Variants in PON3 observed in about 807,000 individuals in gnomAD.
The protein encoded by PON3 is serum paraoxonase/lactonase 3.
A neutral mutation model predicts 36.3 loss-of-function variants in PON3; 37 were observed. The observed-to-expected ratio is 1.02, with a 90% confidence interval of 0.78 to 1.34. The LOEUF is 1.34. PON3 is among the 40% of genes most tolerant of loss of function. PON3 has a pLI of 0.00. For synonymous variants in PON3, 155 were observed against 154.8 expected, an observed-to-expected ratio of 1.00 and a Z score of -0.01; for missense variants, 415 against 426.5, an observed-to-expected ratio of 0.97 and a Z score of 0.24.
At chr7:95,391,335 C>G (rs977630711) in intron 2 of PON3, among the ~76,000 whole-genome samples, 2 of 152,164 alleles carry the variant, frequency 1.3e-5, no homozygotes, top group African/African-American at 4.8e-5. Context: ...AGGCCACCTA[C>G]TCGATAATCC....
chr7:95,360,638 A>T (rs982390373), intron 8 of PON3, among the ~76,000 whole-genome samples: 5 of 152,200 alleles, frequency 3.3e-5, no homozygotes, highest in Admixed American at 3.3e-4. Context: ...TTCATTTGAC[A>T]CATCACTGCC....
intron 4 of PON3, among the ~76,000 whole-genome samples, chr7:95,370,891 C>T (rs551998884): frequency 2.0e-4 from 31 of 152,296 alleles, no homozygotes; most frequent in African/African-American, 7.2e-4. Flanking sequence ...GCAACCATAA[C>T]CACTATTTAG....
At chr7:95,376,146 T>C (rs752171033) in intron 3 of PON3, among the ~76,000 whole-genome samples, 7 of 152,174 alleles carry the variant, frequency 4.6e-5, no homozygotes, top group Non-Finnish European at 1.0e-4. Flanking sequence ...AGAGGGAACA[T>C]TGAAGAGGCA....
intron 3 of PON3, among the ~76,000 whole-genome samples, chr7:95,374,205 T>C (rs547717265): frequency 6.6e-6 from 1 of 152,184 alleles, no homozygotes; most frequent in Non-Finnish European, 1.5e-5. Flanking sequence ...TTATTATGAG[T>C]GGATGACTTT....
At chr7:95,379,607 T>G (rs905807901) in intron 3 of PON3, among the ~76,000 whole-genome samples, 47 of 152,292 alleles carry the variant, frequency 3.1e-4, no homozygotes, top group African/African-American at 1.1e-3. Flanking sequence ...TGCTCATTGC[T>G]AGCACAGCAG....
At chr7:95,366,946 T>C (rs1269502195) in intron 5 of PON3, among the ~76,000 whole-genome samples, 2 of 152,228 alleles carry the variant, frequency 1.3e-5, no homozygotes, top group African/African-American at 4.8e-5. Context: ...AAAGCTGTAA[T>C]TAAACAAAGA....
chr7:95,372,211 A>T lies in PON3; in HGVS notation c.329T>A (p.Leu110Ter). ...AATACTGATCCCATGTGGATTAAAT[A>T]ATTCTTTGTCAAATCCACCACTGAT... ...LEISGGFDKE[L>*]FNPHGISIFI... is the part of the protein sequence containing the mutation. The change falls in exon 4 of 9, where the codon TTA becomes TAA. Residue 110 changes from leucine to a stop codon, truncating the protein, a stop_gained. Transcript: ENST00000265627. LOFTEE classifies it high-confidence loss of function. 1 of 1,613,810 alleles carries T rather than the reference A, an allele frequency of 6.2e-7. No homozygotes were observed. The highest frequency in any genetic ancestry group is 1.1e-5 in the South Asian group (1 of 91,068).
Position 95,390,195 on chromosome 7 carries a change from C to A in PON3, c.160G>T (p.Asp54Tyr). ...AGCCCACTAGGAAGTATATCAATATCTTCAGAGCCACTTTCTGCAAAAGAA... is the reference window on the plus strand; with the variant it reads ...AGCCCACTAGGAAGTATATCAATATATTCAGAGCCACTTTCTGCAAAAGAA... Reference protein sequence around the residue: ...LIEELESGSEDIDILPSGLAF... With the variant: ...LIEELESGSEYIDILPSGLAF... The change falls in exon 3 of 9, where the codon GAT (aspartate) becomes TAT (tyrosine). Residue 54 changes from aspartate to tyrosine, a missense_variant. Asp to Tyr is a radical substitution (Grantham distance 160). Transcript: ENST00000265627. 1 of 1,611,584 alleles carries A rather than the reference C, an allele frequency of 6.2e-7. No homozygotes were observed. The highest frequency in any genetic ancestry group is 2.2e-5 in the East Asian group (1 of 44,860).
In PON3 at chr7:95,362,788, T is replaced by A. The variant is rs760807482; in HGVS notation, c.749A>T (p.His250Leu). ...CAGTTGAGTTAAATCCCAGTTATCATGTTTTTCCATTATGTGAATGTTCTT... is the reference window on the plus strand; with the variant it reads ...CAGTTGAGTTAAATCCCAGTTATCAAGTTTTTCCATTATGTGAATGTTCTT... ...AAKNIHIMEK[H>L]DNWDLTQLKV... The change falls in exon 7 of 9, where the codon CAT becomes CTT. Residue 250 changes from histidine (H) to leucine (L), a missense_variant. By Grantham distance (99) the His-to-Leu change is moderately conservative (BLOSUM62 -3). Coordinates refer to ENST00000265627, the MANE Select transcript of PON3 (RefSeq NM_000940.3). 29 of 1,611,576 alleles carry A rather than the reference T, an allele frequency of 1.8e-5. No homozygotes were observed. In the East Asian group the frequency reaches 6.0e-4, roughly 33 times the overall value.
At chr7:95,380,401 T>C (rs1039772472) in intron 3 of PON3, among the ~76,000 whole-genome samples, 1 of 152,112 alleles carries the variant, frequency 6.6e-6, no homozygotes, top group Non-Finnish European at 1.5e-5. Context: ...ACCAAACTTC[T>C]CTGAGCTAAA....
intron 6 of PON3, 170 bp downstream of exon 6, chr7:95,363,693 A>G (rs1808626961): frequency 7.0e-6 from 5 of 710,724 alleles, no homozygotes; most frequent in Non-Finnish European, 9.7e-6. Flanking sequence ...GTCCAAGGAA[A>G]CAAATGGATT....
Position 95,362,748 on chromosome 7 carries a change from G to C in PON3, c.777+12C>G. 1 of 1,589,662 alleles carries C rather than the reference G, an allele frequency of 6.3e-7. No homozygotes were observed. Among genetic ancestry groups the C allele is most frequent in the Non-Finnish European group, 8.6e-7 (1 of 1,157,980 alleles). ...GAAGTCAGATTGTGTGGGCCAGACA[G>C]GGTACTCTTACCTTCAGTTGAGTTA... On this transcript the variant is annotated intron_variant, in intron 7 of 8. Coordinates refer to ENST00000265627, the MANE Select transcript of PON3 (RefSeq NM_000940.3).
intron 5 of PON3, chr7:95,364,349 A>G: frequency 2.2e-6 from 1 of 447,522 alleles, no homozygotes; most frequent in Non-Finnish European, 4.1e-6. Context: ...TGACTTGTAA[A>G]TGTTGATCAT....
intron 5 of PON3, 198 bp from the exon 6 acceptor site, chr7:95,364,261 A>G (rs1471205682): frequency 1.7e-6 from 1 of 591,934 alleles, no homozygotes; most frequent in Non-Finnish European, 3.0e-6. Flanking sequence ...GCCATTTGTT[A>G]TTTTCTTACT....
At chr7:95,364,994 T>C (rs1415082180) in intron 5 of PON3, 2 of 152,186 alleles carry the variant, frequency 1.3e-5, no homozygotes, top group African/African-American at 4.8e-5. Context: ...GGAAATACTT[T>C]GAAGTTTTGA....
intron 4 of PON3, among the ~76,000 whole-genome samples, chr7:95,368,825 A>AC (rs1562770837): frequency 6.6e-6 from 1 of 150,760 alleles, no homozygotes; most frequent in Admixed American, 6.6e-5. Flanking sequence ...AAAAAAAAAA[A>AC]AAAGAAAGAA....
At position 95,367,394 on chromosome 7, in the gene PON3, G is replaced by A. The variant is rs750392102; in HGVS notation, c.462C>T (p.Tyr154=). 2 of 1,613,156 alleles carry A rather than the reference G, an allele frequency of 1.2e-6. No individual in the cohort carries two copies. Among genetic ancestry groups the A allele is most frequent in the South Asian group, 1.1e-5 (1 of 91,066 alleles). Residue 154 remains tyrosine (Y), a synonymous_variant, in exon 5 of 9, where the codon TAC becomes TAT. Transcript: ENST00000265627. Reference sequence around the variant, plus strand: ...GAAGTTCATGTTTTATAGTTTTCAGGTATACCAGAGAACGTTGTTGTTCCT... The same window carrying A: ...GAAGTTCATGTTTTATAGTTTTCAGATATACCAGAGAACGTTGTTGTTCCT... The part of the protein sequence containing the change: ...KFEEQQRSLV[Y]LKTIKHELLK...
intron 5 of PON3, chr7:95,364,302 A>T (rs1211004610): frequency 1.8e-6 from 1 of 548,538 alleles, no homozygotes; most frequent in African/African-American, 1.9e-5. Flanking sequence ...GTGAAAAGAA[A>T]TAAATTCACA....
intron 4 of PON3, among the ~76,000 whole-genome samples, chr7:95,369,150 T>G (rs1808757525): frequency 6.6e-6 from 1 of 152,180 alleles, no homozygotes; most frequent in African/African-American, 2.4e-5. Context: ...AGTTGAATAT[T>G]ACTATGTGCT....
Sources: gnomAD v4.1 joint callset for allele counts (sites outside exome capture counted in the v4.1 genomes callset) on GRCh38, gnomAD v4.1.1 for gene constraint, MANE v1.5 for transcripts, NCBI Gene and HGNC (gene_info 2026-07-23, HGNC 2026-07-21) for gene names.